Variants in MSRA observed in about 807,000 individuals in gnomAD.
The protein encoded by MSRA is methionine sulfoxide reductase A.
Under a neutral mutation model 31.3 loss-of-function variants are expected in MSRA, and 54 were observed. The observed-to-expected ratio is 1.73, with a 90% confidence interval of 1.39 to 2.17. MSRA has a LOEUF of 2.17. Ranked by LOEUF, MSRA falls within the 30% of genes most tolerant of loss-of-function variation. MSRA has a pLI of 0.00. For missense variants in MSRA, 507 were observed against 300.9 expected, an observed-to-expected ratio of 1.69 and a Z score of -5.07; for synonymous variants, 169 against 116.5, an observed-to-expected ratio of 1.45 and a Z score of -2.90.
chr8:10,412,955 G>A (rs879257686), intron 5 of MSRA, among the ~76,000 whole-genome samples: 1 of 152,190 alleles, frequency 6.6e-6, no homozygotes, highest in African/African-American at 2.4e-5. Flanking sequence ...CACCTACTGT[G>A]AGCCAGCAAT....
At chr8:10,102,065 G>A (rs1052148795) in intron 1 of MSRA, among the ~76,000 whole-genome samples, 4 of 152,028 alleles carry the variant, frequency 2.6e-5, no homozygotes, top group African/African-American at 9.7e-5. Context: ...TCAAAATCTT[G>A]CTGTGTCCTT....
chr8:10,167,792 G>C (rs1805269572), intron 1 of MSRA, among the ~76,000 whole-genome samples: 1 of 152,128 alleles, frequency 6.6e-6, no homozygotes, highest in Admixed American at 6.5e-5. Context: ...CTCTCATAGT[G>C]AGATGTACAA....
At chr8:10,055,547 C>A (rs964003917) in intron 1 of MSRA, among the ~76,000 whole-genome samples, 1 of 152,190 alleles carries the variant, frequency 6.6e-6, no homozygotes, top group Non-Finnish European at 1.5e-5. Context: ...ATTACTGAAT[C>A]GGAGACTCTG....
At chr8:10,055,491 C>G (rs1056206793) in intron 1 of MSRA, among the ~76,000 whole-genome samples, 1 of 152,248 alleles carries the variant, frequency 6.6e-6, no homozygotes, top group African/African-American at 2.4e-5. Flanking sequence ...AGTGCCCCCA[C>G]CTGCCGCAGC....
chr8:10,311,405 G>T (rs531683454), intron 4 of MSRA, among the ~76,000 whole-genome samples: 4 of 152,256 alleles, frequency 2.6e-5, no homozygotes, highest in African/African-American at 9.6e-5. Context: ...TATTAAGGAC[G>T]TAGAGGGAGT....
intron 1 of MSRA, among the ~76,000 whole-genome samples, chr8:10,155,000 T>TATATATATATA (rs1554468796): frequency 7.1e-5 from 7 of 98,378 alleles, no homozygotes; most frequent in African/African-American, 3.5e-4. Flanking sequence ...TGTGTATATA[T>TATATATATATA]TTTATATATA....
At chr8:10,187,340 A>G (rs1031077029) in intron 1 of MSRA, among the ~76,000 whole-genome samples, 2 of 152,124 alleles carry the variant, frequency 1.3e-5, no homozygotes, top group Non-Finnish European at 2.9e-5. Context: ...CTATTTGTGG[A>G]ATTTGGAAAG....
chr8:10,169,045 C>A (rs1322146958), intron 1 of MSRA, among the ~76,000 whole-genome samples: 1 of 152,162 alleles, frequency 6.6e-6, no homozygotes, highest in Non-Finnish European at 1.5e-5. Flanking sequence ...GTATGATTTT[C>A]CCCATAACCT....
At chr8:10,266,043 T>C (rs556911869) in intron 3 of MSRA, among the ~76,000 whole-genome samples, 38 of 152,370 alleles carry the variant, frequency 2.5e-4, no homozygotes, top group African/African-American at 8.4e-4. Context: ...CAAATAATGC[T>C]GCCATCAATA....
intron 2 of MSRA, among the ~76,000 whole-genome samples, chr8:10,226,118 G>A (rs1810977613): frequency 6.6e-6 from 1 of 152,192 alleles, no homozygotes; most frequent in Non-Finnish European, 1.5e-5. Flanking sequence ...ACGGCTTCTA[G>A]TGTTTTCTTC....
rs182029206 is a variant in MSRA at position 10,425,088 on chromosome 8, C to T, written c.544-3060C>T. Among the ~76,000 whole-genome samples the T allele has an allele frequency of 6.0e-4, 92 of 152,272 alleles. 2 individuals carry two copies. The highest frequency in any genetic ancestry group is 2.1e-3 in the Admixed American group (32 of 15,306). ...GATGTGACCTTCCGTGGTCCCTTTC[C>T]CCTTCTTTCGCACCTAGTCTCTTTT... is the stretch of plus-strand genomic sequence containing the variant. On this transcript the variant is annotated intron_variant, in intron 5 of 5. Transcript: ENST00000317173.
At chr8:10,334,955 G>T (rs1219477686) in intron 5 of MSRA, among the ~76,000 whole-genome samples, 4 of 152,204 alleles carry the variant, frequency 2.6e-5, no homozygotes, top group Non-Finnish European at 5.9e-5. Context: ...GGCAGCCGGC[G>T]CGGCGAGCCC....
chr8:10,408,579 C>T (rs1489171409), intron 5 of MSRA, among the ~76,000 whole-genome samples: 1 of 152,072 alleles, frequency 6.6e-6, no homozygotes, highest in African/African-American at 2.4e-5. Context: ...ATAAAAAAAT[C>T]CAGGTTTTAA....
chr8:10,314,221 GA>G (rs1440765397), intron 4 of MSRA, among the ~76,000 whole-genome samples: 1 of 151,612 alleles, frequency 6.6e-6, no homozygotes, highest in Admixed American at 6.6e-5. Context: ...CAGAAAAAAA[GA>G]AAAATAAAAA....
At chr8:10,351,112 G>T (rs192200795) in intron 5 of MSRA, among the ~76,000 whole-genome samples, 1 of 152,284 alleles carries the variant, frequency 6.6e-6, no homozygotes, top group East Asian at 1.9e-4. Flanking sequence ...TGCAACCTGA[G>T]ATGCTTCAGT....
intron 5 of MSRA, among the ~76,000 whole-genome samples, chr8:10,339,531 C>CTTTTTTTTTTTTTT (rs774034241): frequency 1.4e-5 from 1 of 72,832 alleles, no homozygotes; most frequent in Non-Finnish European, 2.4e-5. Context: ...TTCTTTCTTT[C>CTTTTTTTTTTTTTT]TTTTTTTTTT....
intron 3 of MSRA, among the ~76,000 whole-genome samples, chr8:10,296,340 A>G (rs2129121709): frequency 6.6e-6 from 1 of 152,368 alleles, no homozygotes; most frequent in East Asian, 1.9e-4. Context: ...CGGAAACACG[A>G]AAGGTTAATA....
chr8:10,212,564 C>T (rs1160636566), intron 2 of MSRA, among the ~76,000 whole-genome samples: 1 of 152,164 alleles, frequency 6.6e-6, no homozygotes, highest in African/African-American at 2.4e-5. Flanking sequence ...TGTGTTCTTC[C>T]TGAATAACTT....
At chr8:10,190,929 G>C (rs1807454437) in intron 1 of MSRA, among the ~76,000 whole-genome samples, 1 of 152,134 alleles carries the variant, frequency 6.6e-6, no homozygotes, top group South Asian at 2.1e-4. Context: ...GTGAGACTAA[G>C]TTCAGGAGTC....
Sources: gnomAD v4.1 joint callset for allele counts (sites outside exome capture counted in the v4.1 genomes callset) on GRCh38, gnomAD v4.1.1 for gene constraint, MANE v1.5 for transcripts, NCBI Gene and HGNC (gene_info 2026-07-23, HGNC 2026-07-21) for gene names.